The following KLRG2 variants were observed in gnomAD, a reference collection of about 807,000 sequenced individuals.
KLRG2 encodes the protein killer cell lectin-like receptor subfamily G member 2.
In KLRG2, 39 loss-of-function variants were observed where a neutral mutation model predicts 35.4. The observed-to-expected ratio is 1.10, with a 90% confidence interval of 0.85 to 1.44. The LOEUF (loss-of-function observed/expected upper bound fraction) is 1.44, where lower values mean the gene tolerates loss of function less well. Ranked by LOEUF, KLRG2 falls within the 40% of genes most tolerant of loss-of-function variation. The probability of loss-of-function intolerance (pLI) is 0.00; values close to 1 mark genes in which losing one functional copy is unlikely to be tolerated. For missense variants in KLRG2, 632 were observed against 570.9 expected, an observed-to-expected ratio of 1.11 and a Z score of -1.09; for synonymous variants, 283 against 265.8, an observed-to-expected ratio of 1.06 and a Z score of -0.63.
chr7:139,454,828 TAATAATAATAATAATA>T (rs1569409542), intron 3 of KLRG2, among the ~76,000 whole-genome samples: 2 of 60,526 alleles, frequency 3.3e-5, no homozygotes, highest in East Asian at 1.0e-3. Flanking sequence ...AAAATAATAA[TAATAATAATAATAATA>T]ATAATAATAA....
At chr7:139,479,877 G>T in intron 2 of KLRG2, 105 bp from the exon 3 acceptor site, 3 of 1,310,282 alleles carry the variant, frequency 2.3e-6, no homozygotes, top group Non-Finnish European at 3.1e-6. Flanking sequence ...CAAACCTCAA[G>T]GTGGGCAGGG....
rs530838230 is a variant in KLRG2, at chr7:139,483,038, C to A, written c.605G>T (p.Arg202Leu). ...RTESGCDAEG[R>L]ASPAEGSAGS... is the part of the protein sequence containing the mutation. ...GGCGCTTCCTTCCGCGGGGCTGGCC[C>A]GGCCCTCTGCGTCGCAGCCGCTCTC... The change falls in exon 1 of 5, where the codon CGG becomes CTG. Residue 202 changes from arginine (R) to leucine (L), a missense_variant. By Grantham distance (102) the Arg-to-Leu change is moderately radical. Transcript: ENST00000340940. 48 of 1,375,474 alleles carry A rather than the reference C, an allele frequency of 3.5e-5. 1 individual carries two copies. The South Asian group carries it at 7.5e-4, about 22-fold the overall frequency. The allele number at this position is 1,375,474 out of a possible 1,614,324, so 85.2% of individuals were successfully genotyped here.
intron 3 of KLRG2, among the ~76,000 whole-genome samples, chr7:139,478,449 T>C (rs918195954): frequency 6.6e-5 from 10 of 150,606 alleles, no homozygotes; most frequent in Non-Finnish European, 1.3e-4. Context: ...GCGGGCGGAT[T>C]ACCTGAGGTG....
chr7:139,470,331 T>C (rs1037230742), intron 3 of KLRG2, among the ~76,000 whole-genome samples: 6 of 152,170 alleles, frequency 3.9e-5, no homozygotes, highest in African/African-American at 1.4e-4. Flanking sequence ...TTGCTGGGAT[T>C]ACAGGCATGA....
At chr7:139,463,955 G>A (rs1182760375) in intron 3 of KLRG2, among the ~76,000 whole-genome samples, 1 of 152,072 alleles carries the variant, frequency 6.6e-6, no homozygotes, top group Non-Finnish European at 1.5e-5. Flanking sequence ...CAGGCTTCTA[G>A]ACCTCTTAAA....
intron 4 of KLRG2, 52 bp from the exon 5 acceptor site, chr7:139,453,759 T>C: frequency 6.2e-7 from 1 of 1,608,836 alleles, no homozygotes; most frequent in Non-Finnish European, 8.5e-7. Context: ...TGCCGGGGCC[T>C]TGCTTCCCAG....
chr7:139,471,664 A>G (rs1309028438), intron 3 of KLRG2, among the ~76,000 whole-genome samples: 2 of 152,142 alleles, frequency 1.3e-5, no homozygotes, highest in East Asian at 1.9e-4. Context: ...CGGTCTCAAA[A>G]AAAAAAAAGA....
the KLRG2 span, among the ~76,000 whole-genome samples, chr7:139,435,406 C>T: frequency 6.6e-6 from 1 of 152,178 alleles, no homozygotes; most frequent in Non-Finnish European, 1.5e-5. Flanking sequence ...AGGAGAATCG[C>T]TTGAACCCTG....
chr7:139,461,149 T>A (rs1250067690), intron 3 of KLRG2, among the ~76,000 whole-genome samples: 2 of 151,464 alleles, frequency 1.3e-5, no homozygotes, highest in East Asian at 3.9e-4. Flanking sequence ...CTCAGGAGGT[T>A]AAGGCAGGAG....
chr7:139,481,928 TA>T (rs112460850), intron 1 of KLRG2, among the ~76,000 whole-genome samples: 19 of 145,880 alleles, frequency 1.3e-4, no homozygotes, highest in South Asian at 6.6e-4. Context: ...ACTTATTTCT[TA>T]AAAAAAAAAG....
At position 139,483,647 on chromosome 7, in the gene KLRG2, C is replaced by T. The variant is rs544845043; in HGVS notation, c.-5G>A. On this transcript the variant is annotated 5_prime_UTR_variant, in exon 1 of 5. Transcript: ENST00000340940. Reference sequence around the variant, plus strand: ...AGCCTCCCAAGACTCCTCCATCCCGCGCGCCCCGCCACCCGGAGACGCTGA... The same window carrying T: ...AGCCTCCCAAGACTCCTCCATCCCGTGCGCCCCGCCACCCGGAGACGCTGA... The T allele has an allele frequency of 8.7e-6, 13 of 1,494,688 alleles. 1 individual carries two copies. In the South Asian group the frequency reaches 1.3e-4, roughly 15 times the overall value. 92.6% of individuals were successfully genotyped at this position (1,494,688 alleles called of 1,614,324 possible).
chr7:139,465,691 CAAA>C (rs573464243), intron 3 of KLRG2, among the ~76,000 whole-genome samples: 5 of 95,228 alleles, frequency 5.3e-5, no homozygotes, highest in Non-Finnish European at 2.2e-5. Flanking sequence ...GACTCTGTCT[CAAA>C]AAAAAAAAAA....
At chr7:139,443,680 G>T in the KLRG2 span, among the ~76,000 whole-genome samples, 1 of 152,194 alleles carries the variant, frequency 6.6e-6, no homozygotes, top group South Asian at 2.1e-4. Flanking sequence ...TCCTGCCTCA[G>T]CCTCCCAAGT....
downstream of KLRG2, among the ~76,000 whole-genome samples, chr7:139,448,552 G>A (rs1007766466): frequency 1.3e-5 from 2 of 152,150 alleles, no homozygotes; most frequent in Non-Finnish European, 2.9e-5. Flanking sequence ...TAAATAGGCT[G>A]GGCGCAGTGG....
rs1447892797 is a variant in KLRG2 at position 139,453,541 on chromosome 7, G to A, written c.*46C>T. ...GCTCTCAACTGGCCTCCCCTGTAGG[G>A]GGTGCTGCATCTGCCTGGCAGGCTG... On this transcript the variant is annotated 3_prime_UTR_variant, in exon 5 of 5. Transcript: ENST00000340940. 2 of 1,557,480 alleles carry A rather than the reference G, an allele frequency of 1.3e-6. No homozygotes were observed. The highest frequency in any genetic ancestry group is 1.4e-5 in the African/African-American group (1 of 73,428).
At chr7:139,462,488 C>A (rs79643315) in intron 3 of KLRG2, among the ~76,000 whole-genome samples, 10,023 of 152,028 alleles carry the variant, frequency 0.066, 662 homozygotes, top group East Asian at 0.39. Flanking sequence ...TCTGGACTTG[C>A]CTCCTTCACT....
the KLRG2 span, among the ~76,000 whole-genome samples, chr7:139,431,832 AAACTC>A: frequency 6.6e-5 from 10 of 152,238 alleles, no homozygotes; most frequent in South Asian, 1.7e-3. Flanking sequence ...GTAGAGGTTG[AAACTC>A]ATGAGAATTT....
chr7:139,450,377 C>T (rs982751879), downstream of KLRG2, among the ~76,000 whole-genome samples: 1 of 152,080 alleles, frequency 6.6e-6, no homozygotes, highest in Non-Finnish European at 1.5e-5. Context: ...GCGCCTGCCA[C>T]CACGCCCGGC....
the KLRG2 span, among the ~76,000 whole-genome samples, chr7:139,439,967 T>C: frequency 6.6e-6 from 1 of 152,176 alleles, no homozygotes; most frequent in Non-Finnish European, 1.5e-5. Context: ...AGCAGGGCCA[T>C]GTTCCCTCTG....
Sources: gnomAD v4.1 joint callset for allele counts (sites outside exome capture counted in the v4.1 genomes callset) on GRCh38, gnomAD v4.1.1 for gene constraint, MANE v1.5 for transcripts, NCBI Gene and HGNC (gene_info 2026-07-23, HGNC 2026-07-21) for gene names.